The following KCNMA1 variants were observed in gnomAD, a reference collection of about 807,000 sequenced individuals.
KCNMA1 encodes the protein Calcium-activated potassium channel subunit alpha-1.
A neutral mutation model predicts 140.0 loss-of-function variants in KCNMA1; 29 were observed. The ratio of observed to expected loss-of-function variants is 0.21; its 90% CI spans 0.15 to 0.28. KCNMA1 has a LOEUF of 0.28. Among genes scored for constraint, KCNMA1 ranks in the 10% least tolerant of loss-of-function variants. The pLI, the probability that KCNMA1 is intolerant of heterozygous loss-of-function variation, is 1.00. For missense variants in KCNMA1, 880 were observed against 1,602.2 expected (o/e 0.55, Z 7.70); for synonymous variants, 612 against 611.9 (o/e 1.00, Z 0.00).
intron 3 of KCNMA1, among the ~76,000 whole-genome samples, chr10:77,208,194 C>T (rs7070015): frequency 0.08 from 12,183 of 152,250 alleles, 542 homozygotes; most frequent in African/African-American, 0.11. Context: ...AATATTTGGG[C>T]TACAAACTTC....
intron 1 of KCNMA1, among the ~76,000 whole-genome samples, chr10:77,604,178 A>T (rs779070692): frequency 2.0e-5 from 3 of 152,198 alleles, no homozygotes; most frequent in Non-Finnish European, 4.4e-5. Flanking sequence ...AGTCTAGGTG[A>T]CAATCAAGTC....
Position 77,084,629 on chromosome 10 carries a change from A to G in KCNMA1, c.1523+8T>C, listed in dbSNP as rs1476167364. 2 of 1,612,700 alleles carry G rather than the reference A, an allele frequency of 1.2e-6. No homozygotes were observed. The highest frequency in any genetic ancestry group is 1.7e-5 in the Admixed American group (1 of 60,002). On this transcript the variant is annotated splice_region_variant and intron_variant, in intron 12 of 27. Coordinates refer to ENST00000286628, the MANE Select transcript of KCNMA1 (RefSeq NM_001161352.2). Reference sequence around the variant, plus strand: ...GCCCAGGGCCTTCCGCAGCGCCCCAAGAGTTACCTCATGATATTCGAGGCA... The same window carrying G: ...GCCCAGGGCCTTCCGCAGCGCCCCAGGAGTTACCTCATGATATTCGAGGCA...
At chr10:77,397,161 T>C (rs920406414) in intron 2 of KCNMA1, among the ~76,000 whole-genome samples, 4 of 151,984 alleles carry the variant, frequency 2.6e-5, no homozygotes, top group African/African-American at 9.7e-5. Context: ...TTTATCTTTG[T>C]GTGTGTATCA....
At chr10:77,408,598 C>T (rs1374657021) in intron 1 of KCNMA1, among the ~76,000 whole-genome samples, 1 of 152,154 alleles carries the variant, frequency 6.6e-6, no homozygotes, top group African/African-American at 2.4e-5. Flanking sequence ...TGGCTGCAGC[C>T]TCCAGCTACC....
Position 77,001,626 on chromosome 10 carries a change from A to T in KCNMA1, c.2093-46T>A, listed in dbSNP as rs779973117. 9 of 1,486,400 alleles carry T rather than the reference A, an allele frequency of 6.1e-6. No individual in the cohort carries two copies. In the South Asian group the frequency reaches 1.1e-4, roughly 19 times the overall value. The allele number at this position is 1,486,400 out of a possible 1,614,324, so 92.1% of individuals were successfully genotyped here. On this transcript the variant is annotated intron_variant, in intron 18 of 27. Coordinates refer to ENST00000286628, the MANE Select transcript of KCNMA1 (RefSeq NM_001161352.2). Reference sequence around the variant, plus strand: ...GGGAGGAGAGGAAGAGCGGCAATTAATGGCAAGGTCACACACAGCAAGGCA... The same window carrying T: ...GGGAGGAGAGGAAGAGCGGCAATTATTGGCAAGGTCACACACAGCAAGGCA...
chr10:77,127,097 C>G (rs1200055155), intron 5 of KCNMA1, among the ~76,000 whole-genome samples: 2 of 146,910 alleles, frequency 1.4e-5, no homozygotes, highest in Non-Finnish European at 3.0e-5. Context: ...CACACACACA[C>G]ACACACACAC....
chr10:77,025,586 T>C (rs1414944487), intron 16 of KCNMA1: 9 of 723,460 alleles, frequency 1.2e-5, no homozygotes, highest in African/African-American at 1.2e-4. Flanking sequence ...ACAAGGTTTT[T>C]TGGCAAAGCA....
chr10:77,219,002 T>C (rs2048704171), intron 3 of KCNMA1, among the ~76,000 whole-genome samples: 1 of 152,098 alleles, frequency 6.6e-6, no homozygotes, highest in African/African-American at 2.4e-5. Flanking sequence ...TTTTTTATTA[T>C]TTAATAAATT....
At chr10:77,305,106 T>C (rs2077381273) in intron 2 of KCNMA1, among the ~76,000 whole-genome samples, 1 of 152,166 alleles carries the variant, frequency 6.6e-6, no homozygotes, top group South Asian at 2.1e-4. Context: ...AGAAGCACCA[T>C]GTCTGAAAAT....
intron 2 of KCNMA1, among the ~76,000 whole-genome samples, chr10:77,292,882 A>C (rs2073762445): frequency 6.6e-6 from 1 of 152,244 alleles, no homozygotes; most frequent in Non-Finnish European, 1.5e-5. Context: ...AAATACATGA[A>C]TAAGAACAGT....
rs186565510 is a variant in KCNMA1, at chr10:77,209,153, G to A, written c.603-24237C>T. 5.5e-3 allele frequency among the ~76,000 whole-genome samples: 843 copies of A among 152,270 alleles called. 4 individuals are homozygous for A. The highest frequency in any genetic ancestry group is 0.011 in the Admixed American group (174 of 15,286). ...AGTCCTTTCTCCAGGCACAGAGGCAGCTGAGTGAACTCAGCCTAGGGGAGC... is the reference window on the plus strand; with the variant it reads ...AGTCCTTTCTCCAGGCACAGAGGCAACTGAGTGAACTCAGCCTAGGGGAGC... On this transcript the variant is annotated intron_variant, in intron 3 of 27. Coordinates refer to ENST00000286628, the MANE Select transcript of KCNMA1 (RefSeq NM_001161352.2).
chr10:77,442,204 C>T (rs1018741751), intron 1 of KCNMA1, among the ~76,000 whole-genome samples: 26 of 152,302 alleles, frequency 1.7e-4, no homozygotes, highest in African/African-American at 6.0e-4. Flanking sequence ...ATTCAGCCTT[C>T]ACTCTCACCC....
chr10:77,449,012 A>G (rs669312), intron 1 of KCNMA1, among the ~76,000 whole-genome samples: 124,919 of 151,538 alleles, frequency 0.82, 52,028 homozygotes, highest in African/African-American at 0.87. Flanking sequence ...GCTTGAATCC[A>G]GGAGGTGGAG....
rs557072100 is a variant in KCNMA1, at chr10:77,431,185, T to A, written c.379-27162A>T. 3.3e-5 allele frequency among the ~76,000 whole-genome samples: 5 copies of A among 152,346 alleles called. No individual in the cohort carries two copies. The East Asian group carries it at 9.6e-4, about 29-fold the overall frequency. On this transcript the variant is annotated intron_variant, in intron 1 of 27. Coordinates refer to ENST00000286628, the MANE Select transcript of KCNMA1 (RefSeq NM_001161352.2). ...TCAAGGGACCAGTTTCCTATCATTC[T>A]AGGTAGAAAACATGCAGTGACTGGT...
At chr10:77,201,157 G>A (rs1031666415) in intron 3 of KCNMA1, among the ~76,000 whole-genome samples, 65 of 152,298 alleles carry the variant, frequency 4.3e-4, no homozygotes, top group Middle Eastern at 3.4e-3. Context: ...TTCAGGTAAT[G>A]TGCTTTCTCT....
intron 2 of KCNMA1, among the ~76,000 whole-genome samples, chr10:77,283,566 A>G (rs1235691975): frequency 1.3e-5 from 2 of 152,200 alleles, no homozygotes; most frequent in East Asian, 3.9e-4. Context: ...TGACACCCCT[A>G]TGGCTCAAAA....
chr10:77,052,409 A>AGAT (rs1342871455), intron 14 of KCNMA1, among the ~76,000 whole-genome samples: 1 of 152,186 alleles, frequency 6.6e-6, no homozygotes, highest in East Asian at 1.9e-4. Context: ...AGGATCACCC[A>AGAT]GCCTGGCTTT....
intron 2 of KCNMA1, among the ~76,000 whole-genome samples, chr10:77,400,720 G>T (rs1340623780): frequency 6.6e-6 from 1 of 152,128 alleles, no homozygotes; most frequent in Non-Finnish European, 1.5e-5. Context: ...CTGTTTTCTT[G>T]TAATGAACCC....
At chr10:77,292,453 C>T (rs916389310) in intron 2 of KCNMA1, among the ~76,000 whole-genome samples, 4 of 152,196 alleles carry the variant, frequency 2.6e-5, no homozygotes, top group South Asian at 2.1e-4. Context: ...ATCACAGGGG[C>T]GGCCCCCACT....
Sources: gnomAD v4.1 joint callset for allele counts (sites outside exome capture counted in the v4.1 genomes callset) on GRCh38, gnomAD v4.1.1 for gene constraint, MANE v1.5 for transcripts, NCBI Gene and HGNC (gene_info 2026-07-23, HGNC 2026-07-21) for gene names.